CSN3: variants seen among roughly 807,000 people sequenced by gnomAD.
The protein encoded by CSN3 is casein kappa.
A neutral mutation model predicts 9.9 loss-of-function variants in CSN3; 7 were observed. The ratio of observed to expected loss-of-function variants is 0.71; its 90% CI spans 0.40 to 1.33. CSN3 has a LOEUF of 1.33. Ranked by LOEUF, CSN3 falls within the 40% of genes most tolerant of loss-of-function variation. CSN3 has a pLI of 0.01. For synonymous variants in CSN3, 88 were observed against 82.3 expected (o/e 1.07, Z -0.37); for missense variants, 253 against 227.9 (o/e 1.11, Z -0.71).
chr4:70,247,345 T>G, intron 2 of CSN3, among the ~76,000 whole-genome samples: 1 of 152,226 alleles, frequency 6.6e-6, no homozygotes, highest in South Asian at 2.1e-4. Context: ...ACACTATTAT[T>G]TATATGTTAA....
intron 3 of CSN3, among the ~76,000 whole-genome samples, chr4:70,248,104 G>A (rs1372377570): frequency 6.6e-6 from 1 of 151,978 alleles, no homozygotes; most frequent in East Asian, 1.9e-4. Flanking sequence ...AGCAATATGA[G>A]AAAACTCTTT....
At chr4:70,250,861 A>T (rs1004458390) in intron 4 of CSN3, among the ~76,000 whole-genome samples, 2 of 152,204 alleles carry the variant, frequency 1.3e-5, no homozygotes, top group African/African-American at 4.8e-5. Context: ...TTAGACTAGC[A>T]TATGGGTAAA....
chr4:70,243,609 T>G (rs1730314233), intron 1 of CSN3, among the ~76,000 whole-genome samples: 1 of 152,080 alleles, frequency 6.6e-6, no homozygotes. Flanking sequence ...AGTTCAACTT[T>G]GTAGTGATTC....
At chr4:70,247,908 A>G in intron 3 of CSN3, 58 bp downstream of exon 3, 1 of 1,336,066 alleles carries the variant, frequency 7.5e-7, no homozygotes, top group Non-Finnish European at 1.0e-6. Flanking sequence ...TATTCTGCAA[A>G]GGTCAATTGT....
At chr4:70,247,638 A>G (rs1387649408) in intron 2 of CSN3, among the ~76,000 whole-genome samples, 180 bp from the exon 3 acceptor site, 2 of 152,156 alleles carry the variant, frequency 1.3e-5, no homozygotes, top group East Asian at 3.8e-4. Flanking sequence ...CTAATCAGTT[A>G]GACTACTGTT....
intron 4 of CSN3, among the ~76,000 whole-genome samples, chr4:70,250,872 T>C (rs1730469486): frequency 6.6e-6 from 1 of 152,130 alleles, no homozygotes; most frequent in Non-Finnish European, 1.5e-5. Flanking sequence ...TATGGGTAAA[T>C]TGTGTTGTTT....
At chr4:70,247,937 C>A (rs1403370141) in intron 3 of CSN3, 87 bp downstream of exon 3, 1 of 876,300 alleles carries the variant, frequency 1.1e-6, no homozygotes, top group South Asian at 2.1e-5. Context: ...TGCCTTCTGT[C>A]TAAAACCTAA....
intron 1 of CSN3, among the ~76,000 whole-genome samples, chr4:70,243,493 T>C (rs910836033): frequency 6.6e-6 from 1 of 152,094 alleles, no homozygotes; most frequent in East Asian, 1.9e-4. Context: ...GTCACTTTAG[T>C]AGACAGCCTT....
chr4:70,239,595 G>C (rs1011179515), upstream of CSN3, among the ~76,000 whole-genome samples: 19 of 151,816 alleles, frequency 1.3e-4, no homozygotes, highest in African/African-American at 4.4e-4. Flanking sequence ...CTCACTCTAG[G>C]CTCCAGATGA....
At chr4:70,240,851 A>T (rs1730259403), upstream of CSN3, among the ~76,000 whole-genome samples, 1 of 151,984 alleles carries the variant, frequency 6.6e-6, no homozygotes, top group Admixed American at 6.6e-5. Context: ...GAAATATTGT[A>T]TGTGCTCAAA....
At chr4:70,239,555 G>A (rs1730232040), upstream of CSN3, among the ~76,000 whole-genome samples, 1 of 151,904 alleles carries the variant, frequency 6.6e-6, no homozygotes, top group Non-Finnish European at 1.5e-5. Context: ...ATAAATTAAT[G>A]TGTGTGCTAA....
At chr4:70,245,527 T>G (rs936130630) in intron 2 of CSN3, among the ~76,000 whole-genome samples, 3 of 152,160 alleles carry the variant, frequency 2.0e-5, no homozygotes, top group African/African-American at 7.2e-5. Flanking sequence ...AAAGGTTCTG[T>G]TTTTTTCTTT....
chr4:70,246,671 C>CTTTTT (rs11293109), intron 2 of CSN3, among the ~76,000 whole-genome samples: 32 of 125,452 alleles, frequency 2.6e-4, no homozygotes, highest in East Asian at 4.7e-4. Context: ...CATATTACTT[C>CTTTTT]TTTTTTTTTT....
intron 1 of CSN3, among the ~76,000 whole-genome samples, chr4:70,244,596 G>C (rs995263237): frequency 6.6e-5 from 10 of 151,902 alleles, no homozygotes; most frequent in African/African-American, 2.4e-4. Context: ...ATGATAATTT[G>C]ATAATTCCGT....
At chr4:70,239,348 A>G (rs974504723), upstream of CSN3, among the ~76,000 whole-genome samples, 1 of 151,906 alleles carries the variant, frequency 6.6e-6, no homozygotes, top group South Asian at 2.1e-4. Flanking sequence ...CTACACAGAG[A>G]TCATCGTTGA....
At chr4:70,244,278 A>G (rs187904506) in intron 1 of CSN3, among the ~76,000 whole-genome samples, 161 of 152,116 alleles carry the variant, frequency 1.1e-3, no homozygotes, top group South Asian at 2.1e-3. Context: ...TTCCCTTCTC[A>G]TACAAGATTC....
chr4:70,243,789 CTT>C (rs1730318661), intron 1 of CSN3, among the ~76,000 whole-genome samples: 1 of 151,958 alleles, frequency 6.6e-6, no homozygotes, highest in African/African-American at 2.4e-5. Context: ...TGTATATACT[CTT>C]TTAGAAAAAT....
intron 4 of CSN3, among the ~76,000 whole-genome samples, chr4:70,250,322 C>T (rs960039165): frequency 1.3e-5 from 2 of 152,122 alleles, no homozygotes; most frequent in African/African-American, 4.8e-5. Context: ...CAGATGTCTA[C>T]ATGTTTTATG....
intron 1 of CSN3, among the ~76,000 whole-genome samples, chr4:70,242,908 A>G (rs1730301641): frequency 6.6e-6 from 1 of 152,132 alleles, no homozygotes; most frequent in Non-Finnish European, 1.5e-5. Flanking sequence ...AAATCATAGC[A>G]GCCATTGTGA....
Sources: gnomAD v4.1 joint callset for allele counts (sites outside exome capture counted in the v4.1 genomes callset) on GRCh38, gnomAD v4.1.1 for gene constraint, MANE v1.5 for transcripts, NCBI Gene and HGNC (gene_info 2026-07-23, HGNC 2026-07-21) for gene names.